The following ALDH1A2 variants were observed in gnomAD, a reference collection of about 807,000 sequenced individuals.
The protein encoded by ALDH1A2 is aldehyde dehydrogenase 1 family member A2.
In ALDH1A2, 27 loss-of-function variants were observed where a neutral mutation model predicts 60.3. The observed-to-expected ratio is 0.45, with a 90% confidence interval of 0.33 to 0.62. The LOEUF is 0.62. Ranked by LOEUF, ALDH1A2 falls within the 20% of genes least tolerant of loss-of-function variation. The probability of loss-of-function intolerance (pLI) is 0.02; values close to 1 mark genes in which losing one functional copy is unlikely to be tolerated. For synonymous variants in ALDH1A2, 289 were observed against 232.4 expected (o/e 1.24, Z -2.21); for missense variants, 581 against 643.8 (o/e 0.90, Z 1.06).
chr15:58,056,298 C>T (rs1432141302), intron 1 of ALDH1A2, among the ~76,000 whole-genome samples: 1 of 152,080 alleles, frequency 6.6e-6, no homozygotes, highest in Non-Finnish European at 1.5e-5. Context: ...GAGAAGACCA[C>T]ACATTCTAGA....
intron 1 of ALDH1A2, among the ~76,000 whole-genome samples, chr15:58,030,481 A>G (rs555968967): frequency 6.6e-6 from 1 of 152,322 alleles, no homozygotes; most frequent in East Asian, 1.9e-4. Flanking sequence ...AACTGGCACA[A>G]GACAAGGATG....
intron 7 of ALDH1A2, among the ~76,000 whole-genome samples, chr15:57,968,768 T>G (rs1893973094): frequency 1.3e-5 from 2 of 152,226 alleles, no homozygotes; most frequent in African/African-American, 4.8e-5. Context: ...GCATTACATT[T>G]CTGTTAGCCC....
intron 7 of ALDH1A2, among the ~76,000 whole-genome samples, chr15:57,972,065 T>A (rs1179194920): frequency 5.3e-5 from 8 of 152,112 alleles, no homozygotes; most frequent in African/African-American, 1.9e-4. Context: ...TTCTGTCTAC[T>A]TGTTTTCACA....
Position 58,010,665 on chromosome 15 carries a change from C to A in ALDH1A2, c.477G>T (p.Gly159=). 1 of 1,613,310 alleles carries A rather than the reference C, an allele frequency of 6.2e-7. No homozygotes were observed. The highest frequency in any genetic ancestry group is 8.5e-7 in the Non-Finnish European group (1 of 1,179,394). Residue 159 remains glycine (G), a synonymous_variant, in exon 4 of 13, where the codon GGG becomes GGT. Coordinates refer to ENST00000249750, the MANE Select transcript of ALDH1A2 (RefSeq NM_003888.4). The part of the protein sequence containing the change: ...YYAGWADKIH[G]MTIPVDGDYF... ...TTCACATACCTACAGGAATGGTCAT[C>A]CCATGAATTTTATCAGCCCAGCCTG...
chr15:58,011,822 G>A (rs1376458903), intron 3 of ALDH1A2, among the ~76,000 whole-genome samples: 2 of 152,148 alleles, frequency 1.3e-5, no homozygotes, highest in Non-Finnish European at 1.5e-5. Context: ...TTTAGAACAT[G>A]TATATGTTTA....
chr15:57,969,825 G>A (rs1347000177), intron 7 of ALDH1A2, among the ~76,000 whole-genome samples: 1 of 148,214 alleles, frequency 6.7e-6, no homozygotes, highest in Non-Finnish European at 1.5e-5. Flanking sequence ...GTACTCGTGT[G>A]ATACCTCCTG....
Position 57,955,020 on chromosome 15 carries a change from A to C in ALDH1A2, c.*177T>G. ...GGTGGCCCCTTACAGAGTGCCAAGA[A>C]ACTGTACCCAGCTGGTTTGCTTTAG... On this transcript the variant is annotated 3_prime_UTR_variant, in exon 13 of 13. Coordinates refer to ENST00000249750, the MANE Select transcript of ALDH1A2 (RefSeq NM_003888.4). 1 of 724,324 alleles carries C rather than the reference A, an allele frequency of 1.4e-6. No homozygotes were observed. The highest frequency in any genetic ancestry group is 2.5e-6 in the Non-Finnish European group (1 of 405,614). The allele number at this position is 724,324 out of a possible 1,614,324, so 44.9% of individuals were successfully genotyped here. A position where few individuals can be genotyped will look rare whatever the true frequency, so the allele number is the denominator to read the frequency against.
chr15:57,998,533 C>G (rs55757800), intron 4 of ALDH1A2, among the ~76,000 whole-genome samples: 8,250 of 152,040 alleles, frequency 0.054, 280 homozygotes, highest in East Asian at 0.11. Flanking sequence ...CTAAAAACCA[C>G]TAATCAGGGA....
intron 9 of ALDH1A2, 76 bp downstream of exon 9, chr15:57,963,809 G>C: frequency 6.7e-7 from 1 of 1,484,026 alleles, no homozygotes; most frequent in Non-Finnish European, 9.3e-7. Context: ...CGCTTTGCTG[G>C]GACCTACTAC....
chr15:58,040,682 T>G (rs1420070245), intron 1 of ALDH1A2, among the ~76,000 whole-genome samples: 1 of 151,954 alleles, frequency 6.6e-6, no homozygotes, highest in African/African-American at 2.4e-5. Flanking sequence ...ATTAAAGATC[T>G]ATATTCTATT....
At chr15:57,997,980 C>G (rs1895121425) in intron 4 of ALDH1A2, among the ~76,000 whole-genome samples, 1 of 151,714 alleles carries the variant, frequency 6.6e-6, no homozygotes, top group Non-Finnish European at 1.5e-5. Flanking sequence ...AGGCTACTTT[C>G]AATAAAATTC....
chr15:57,992,797 T>C lies in ALDH1A2; in HGVS notation c.706A>G (p.Ile236Val), dbSNP rs1268373613. 1 of 1,614,094 alleles carries C rather than the reference T, an allele frequency of 6.2e-7. No homozygotes were observed. The change falls in exon 7 of 13, where the codon ATC becomes GTC. Residue 236 changes from isoleucine to valine, a missense_variant. Ile to Val is a conservative substitution (Grantham distance 29). This residue lies in a region of ALDH1A2 where 375 missense variants were observed against 469.7 expected (regional missense o/e 0.80). Transcript: ENST00000249750. Reference protein sequence around the residue: ...IKEAGFPPGVINILPGYGPTA... With the variant: ...IKEAGFPPGVVNILPGYGPTA... ...GGCCCATATCCTGGCAAAATATTGA[T>C]GACCCCGGGAGGAAAGCCAGCCTAA... is the stretch of plus-strand genomic sequence containing the variant.
At chr15:57,987,566 GA>G (rs34751615) in intron 7 of ALDH1A2, among the ~76,000 whole-genome samples, 24 of 151,788 alleles carry the variant, frequency 1.6e-4, no homozygotes, top group Admixed American at 1.6e-3. Context: ...TTTATATCCA[GA>G]AAAAAAAGTT....
At chr15:57,957,226 C>T (rs1459892610) in intron 12 of ALDH1A2, among the ~76,000 whole-genome samples, 1 of 152,166 alleles carries the variant, frequency 6.6e-6, no homozygotes, top group Non-Finnish European at 1.5e-5. Flanking sequence ...AGCTGAGTCA[C>T]TGTCATCCTC....
intron 1 of ALDH1A2, among the ~76,000 whole-genome samples, chr15:58,056,116 T>C (rs1329309600): frequency 6.6e-6 from 1 of 152,112 alleles, no homozygotes; most frequent in African/African-American, 2.4e-5. Flanking sequence ...GTAAGAAAGG[T>C]AGGGAAATTA....
intron 7 of ALDH1A2, among the ~76,000 whole-genome samples, chr15:57,985,294 T>C (rs1894660159): frequency 2.0e-5 from 3 of 152,210 alleles, no homozygotes; most frequent in African/African-American, 4.8e-5. Flanking sequence ...CAATTCACTC[T>C]ACTTATCTAT....
In ALDH1A2 at chr15:58,013,756, A is replaced by C. The variant is rs1595667114; in HGVS notation, c.363+102T>G. 4 of 1,470,580 alleles carry C rather than the reference A, an allele frequency of 2.7e-6. No individual in the cohort carries two copies. In the East Asian group the frequency reaches 9.8e-5, roughly 36 times the overall value. 91.1% of individuals were successfully genotyped at this position (1,470,580 alleles called of 1,614,324 possible). A position where few individuals can be genotyped will look rare whatever the true frequency, so the allele number is the denominator to read the frequency against. ...GACAGAGCTAGACTCCGTCTCAAAA[A>C]ATAAAATAAATAAAAATAAAATAAA... On this transcript the variant is annotated intron_variant, in intron 3 of 12. Transcript: ENST00000249750.
At chr15:58,065,349 A>G in intron 1 of ALDH1A2, 185 bp downstream of exon 1, 1 of 678,022 alleles carries the variant, frequency 1.5e-6, no homozygotes, top group Non-Finnish European at 2.7e-6. Flanking sequence ...TCCTCAGACC[A>G]CGGCGGGGCT....
At chr15:57,996,139 G>T (rs748917879) in intron 4 of ALDH1A2, among the ~76,000 whole-genome samples, 8 of 152,102 alleles carry the variant, frequency 5.3e-5, no homozygotes, top group Non-Finnish European at 7.4e-5. Flanking sequence ...GGAAATGAAG[G>T]TGGGGACAGG....
Sources: allele counts gnomAD v4.1 joint callset (sites outside exome capture counted in the v4.1 genomes callset), GRCh38; gene constraint gnomAD v4.1.1; regional missense constraint gnomAD v4.1.1; transcripts MANE v1.5; gene names NCBI Gene and HGNC (gene_info 2026-07-23, HGNC 2026-07-21).